The following ZNF138 variants were observed in gnomAD, a reference collection of about 807,000 sequenced individuals.
The protein encoded by ZNF138 is zinc finger protein 138 (clone pHZ-32).
In ZNF138, 33 loss-of-function variants were observed where a neutral mutation model predicts 33.0. The observed-to-expected ratio is 1.00, with a 90% CI of 0.76 to 1.34. The LOEUF (loss-of-function observed/expected upper bound fraction) is 1.34. ZNF138 is among the 40% of genes most tolerant of loss of function. ZNF138 has a pLI of 0.00. For synonymous variants in ZNF138, 139 were observed against 120.4 expected, an observed-to-expected ratio of 1.15 and a Z score of -1.01; for missense variants, 360 against 370.8, an observed-to-expected ratio of 0.97 and a Z score of 0.24.
chr7:64,832,654 A>G lies in ZNF138; in HGVS notation c.*452A>G, dbSNP rs761160127. 8 of 449,578 alleles carry G rather than the reference A, an allele frequency of 1.8e-5. No homozygotes were observed. Among genetic ancestry groups the G allele is most frequent in the African/African-American group, 6.1e-5 (3 of 49,250 alleles). 27.8% of individuals were successfully genotyped at this position (449,578 alleles called of 1,614,324 possible). ...ATGAGACATAAGAAAATTCATAGTA[A>G]AGAGAAACCCTACAAATGTGAACAG... On this transcript the variant is annotated 3_prime_UTR_variant, in exon 4 of 4. Coordinates refer to ENST00000307355, the MANE Select transcript of ZNF138 (RefSeq NM_001271639.2).
chr7:64,812,607 T>C (rs1399690163), intron 1 of ZNF138, among the ~76,000 whole-genome samples: 1 of 151,942 alleles, frequency 6.6e-6, no homozygotes, highest in Non-Finnish European at 1.5e-5. Context: ...AAGGAGAAAC[T>C]TGTATTATTA....
chr7:64,828,697 C>G (rs1789839780), intron 3 of ZNF138, among the ~76,000 whole-genome samples: 1 of 151,838 alleles, frequency 6.6e-6, no homozygotes, highest in Non-Finnish European at 1.5e-5. Flanking sequence ...TACTTTTTAA[C>G]ATTTGTACTC....
At chr7:64,835,100 A>T (rs6971678), downstream of ZNF138, among the ~76,000 whole-genome samples, 3 of 152,026 alleles carry the variant, frequency 2.0e-5, no homozygotes, top group African/African-American at 7.2e-5. Flanking sequence ...TGAGTTTCAC[A>T]CTTCTGAGTG....
chr7:64,799,378 G>T (rs1297356281), intron 1 of ZNF138, among the ~76,000 whole-genome samples: 2 of 152,002 alleles, frequency 1.3e-5, no homozygotes, highest in Non-Finnish European at 2.9e-5. Flanking sequence ...GTTCAGGCTG[G>T]TCTTGAATTC....
At chr7:64,837,564 G>A (rs185044303), downstream of ZNF138, among the ~76,000 whole-genome samples, 32 of 152,298 alleles carry the variant, frequency 2.1e-4, no homozygotes, top group African/African-American at 7.2e-4. Context: ...CCAGAGCCAC[G>A]CGAGGGCAAA....
Position 64,832,826 on chromosome 7 carries a change from G to A in ZNF138, c.*624G>A. The stretch of plus-strand genomic sequence containing the variant: ...AACACAAGAAGATTCATACTAGAGA[G>A]AAACCCTACAAATGTGAAGAATGTG... On this transcript the variant is annotated 3_prime_UTR_variant, in exon 4 of 4. Transcript: ENST00000307355. The A allele has an allele frequency of 4.5e-6, 2 of 448,658 alleles. No individual in the cohort carries two copies. Among genetic ancestry groups the A allele is most frequent in the South Asian group, 1.7e-5 (1 of 57,836 alleles). The allele number at this position is 448,658 out of a possible 1,614,324, so 27.8% of individuals were successfully genotyped here.
downstream of ZNF138, among the ~76,000 whole-genome samples, chr7:64,838,386 G>A (rs1275026439): frequency 2.5e-5 from 3 of 121,612 alleles, no homozygotes; most frequent in East Asian, 4.9e-4. Context: ...CAGGCAGGAC[G>A]GTTGCTGTTG....
At chr7:64,841,286 A>G in the ZNF138 span, among the ~76,000 whole-genome samples, 1 of 152,198 alleles carries the variant, frequency 6.6e-6, no homozygotes, top group South Asian at 2.1e-4. Context: ...AGAATTCTAC[A>G]TAAGCCTGTA....
rs1165725175 is a variant in ZNF138 at position 64,831,924 on chromosome 7, T to C, written c.682T>C (p.Cys228Arg). The C allele has an allele frequency of 6.2e-7, 1 of 1,613,608 alleles. No individual in the cohort carries two copies. The highest frequency in any genetic ancestry group is 1.3e-5 in the African/African-American group (1 of 74,906). The change falls in exon 4 of 4, where the codon TGT (cysteine) becomes CGT (arginine). Residue 228 changes from cysteine (C) to arginine (R), a missense_variant. Physicochemically the swap from Cys to Arg is radical, Grantham distance 180. Transcript: ENST00000307355. ...TGEKPYKCEV[C>R]GKAFHQSSIL... Reference sequence around the variant, plus strand: ...AGAAAAACCCTACAAATGTGAAGTATGTGGAAAAGCCTTTCACCAATCCTC... The same window carrying C: ...AGAAAAACCCTACAAATGTGAAGTACGTGGAAAAGCCTTTCACCAATCCTC...
the ZNF138 span, among the ~76,000 whole-genome samples, chr7:64,839,850 G>A: frequency 6.6e-6 from 1 of 152,132 alleles, no homozygotes; most frequent in Non-Finnish European, 1.5e-5. Flanking sequence ...TCAATAAGGC[G>A]GAGAGGCGAG....
At chr7:64,828,113 C>T (rs945516607) in intron 3 of ZNF138, among the ~76,000 whole-genome samples, 2 of 151,378 alleles carry the variant, frequency 1.3e-5, no homozygotes, top group African/African-American at 2.4e-5. Flanking sequence ...ATTTGTGAAC[C>T]TATATTATGT....
chr7:64,849,897 CAGGGCTTTTG>C, the ZNF138 span, among the ~76,000 whole-genome samples: 16 of 152,190 alleles, frequency 1.1e-4, no homozygotes, highest in African/African-American at 3.9e-4. Context: ...CAAAAGCAAG[CAGGGCTTTTG>C]TGCCTTGCTG....
intron 1 of ZNF138, among the ~76,000 whole-genome samples, chr7:64,799,677 C>G (rs141114260): frequency 0.014 from 2,176 of 152,106 alleles, 51 homozygotes; most frequent in African/African-American, 0.05. Flanking sequence ...GAGTTTCGCT[C>G]TTGTTGCCCA....
the ZNF138 span, among the ~76,000 whole-genome samples, chr7:64,855,428 T>G: frequency 1.0e-5 from 1 of 98,902 alleles, no homozygotes; most frequent in Non-Finnish European, 2.1e-5. Flanking sequence ...GTCTTCTTAG[T>G]TAAGAATTTT....
chr7:64,842,983 T>A, the ZNF138 span, among the ~76,000 whole-genome samples: 10 of 152,208 alleles, frequency 6.6e-5, no homozygotes, highest in Non-Finnish European at 1.3e-4. Context: ...AACCCTCCTT[T>A]CTCCTAAATA....
At chr7:64,823,527 G>C (rs964993582) in intron 3 of ZNF138, among the ~76,000 whole-genome samples, 5 of 151,798 alleles carry the variant, frequency 3.3e-5, no homozygotes, top group African/African-American at 9.7e-5. Flanking sequence ...GTAGGGACAA[G>C]ACATCACTAT....
At chr7:64,798,778 CA>C (rs75929259) in intron 1 of ZNF138, among the ~76,000 whole-genome samples, 9,771 of 116,042 alleles carry the variant, frequency 0.084, 389 homozygotes, top group East Asian at 0.18. Context: ...AACTCCGACT[CA>C]AAAAAAAAAA....
chr7:64,815,529 C>A (rs772167860), intron 2 of ZNF138, 47 bp from the exon 3 acceptor site: 1 of 1,551,956 alleles, frequency 6.4e-7, no homozygotes, highest in East Asian at 2.3e-5. Context: ...GAGCCAGAGT[C>A]ATGTTACTTA....
rs1452717325 is a variant in ZNF138 at position 64,832,742 on chromosome 7, GAA to G, written c.*542_*543del. The G allele has an allele frequency of 2.2e-6, 1 of 454,042 alleles. No individual in the cohort carries two copies. Among genetic ancestry groups the G allele is most frequent in the Non-Finnish European group, 4.4e-6 (1 of 224,732 alleles). 28.1% of individuals were successfully genotyped at this position (454,042 alleles called of 1,614,324 possible). On this transcript the variant is annotated 3_prime_UTR_variant, in exon 4 of 4. Coordinates refer to ENST00000307355, the MANE Select transcript of ZNF138 (RefSeq NM_001271639.2). ...CACATAAGATCATTCATACTGGAGA[GAA>G]ACCTTACAAATGTGAGGAATGTGGC... is the stretch of plus-strand genomic sequence containing the variant.
Sources: gnomAD v4.1 joint callset for allele counts (sites outside exome capture counted in the v4.1 genomes callset) on GRCh38, gnomAD v4.1.1 for gene constraint, MANE v1.5 for transcripts, NCBI Gene and HGNC (gene_info 2026-07-23, HGNC 2026-07-21) for gene names.